NDC80: variants seen among roughly 807,000 people sequenced by gnomAD.
NDC80 encodes the protein NDC80 kinetochore complex component.
In NDC80, 69 loss-of-function variants were observed where a neutral mutation model predicts 89.3. The observed-to-expected ratio is 0.77, with a 90% CI of 0.64 to 0.94. The LOEUF (loss-of-function observed/expected upper bound fraction) is 0.94. Ranked by LOEUF, NDC80 falls within the 40% of genes least tolerant of loss-of-function variation. The pLI, the probability that NDC80 is intolerant of heterozygous loss-of-function variation, is 0.00. For synonymous variants in NDC80, 243 were observed against 255.6 expected (o/e 0.95, Z 0.47); for missense variants, 593 against 739.6 (o/e 0.80, Z 2.30).
At chr18:2,602,570 AC>A (rs1009320910) in intron 13 of NDC80, among the ~76,000 whole-genome samples, 5 of 152,152 alleles carry the variant, frequency 3.3e-5, no homozygotes, top group African/African-American at 1.2e-4. Flanking sequence ...GGGTACTAAA[AC>A]CTGGAGATTC....
At position 2,599,051 on chromosome 18, in the gene NDC80, G is replaced by A; in HGVS notation, c.1254G>A (p.Leu418=). The A allele has an allele frequency of 6.2e-7, 1 of 1,611,310 alleles. No individual in the cohort carries two copies. Among genetic ancestry groups the A allele is most frequent in the Non-Finnish European group, 8.5e-7 (1 of 1,178,766 alleles). The change falls in exon 12 of 17, where the codon TTG becomes TTA. Residue 418 remains leucine, a synonymous_variant. Coordinates refer to ENST00000261597, the MANE Select transcript of NDC80 (RefSeq NM_006101.3). ...CACAATTAGCAGAGTATCACAAATT[G>A]GCTAGAAAATTAAAACTTATTCCTA... ...IETQLAEYHK[L]ARKLKLIPKG...
At chr18:2,578,433 C>T (rs1298415010) in intron 5 of NDC80, among the ~76,000 whole-genome samples, 1 of 151,892 alleles carries the variant, frequency 6.6e-6, no homozygotes, top group Admixed American at 6.6e-5. Context: ...AAAAACTACT[C>T]GTAGATTATT....
chr18:2,574,894 G>C (rs2072538585), intron 2 of NDC80, 95 bp from the exon 3 acceptor site: 2 of 748,856 alleles, frequency 2.7e-6, no homozygotes, highest in African/African-American at 1.8e-5. Context: ...TTTATAGCTA[G>C]TGGGGAAGAG....
chr18:2,608,899 G>T (rs117855082), intron 15 of NDC80, 69 bp downstream of exon 15: 17,847 of 1,501,174 alleles, frequency 0.012, 132 homozygotes, highest in Non-Finnish European at 0.014. Context: ...CATAAAATTA[G>T]ATCTATTTTT....
chr18:2,595,440 A>G lies in NDC80; in HGVS notation c.1040A>G (p.Gln347Arg). Residue 347 changes from glutamine to arginine, a missense_variant, in exon 11 of 17, where the codon CAG becomes CGG. Gln to Arg is a conservative substitution (Grantham distance 43, BLOSUM62 1). Transcript: ENST00000261597. ...GAACTAGAATGTGAAACAATAAAAC[A>G]GGAGAACACTCGACTACAGAATATC... ...RVELECETIKQENTRLQNIID... is the reference protein window; with the variant it reads ...RVELECETIKRENTRLQNIID... 1.2e-6 allele frequency: 2 copies of G among 1,613,788 alleles called. No homozygotes were observed.
chr18:2,575,073 A>G lies in NDC80; in HGVS notation c.179+7A>G, dbSNP rs951378271. 9 of 1,589,490 alleles carry G rather than the reference A, an allele frequency of 5.7e-6. No individual in the cohort carries two copies. Among genetic ancestry groups the G allele is most frequent in the African/African-American group, 1.3e-5 (1 of 74,282 alleles). ...TCTCGCTATTTGGCAAAAGGTAATT[A>G]TATTTTTCATTAGCTCTAATAAAGG... On this transcript the variant is annotated splice_region_variant and intron_variant, in intron 3 of 16. Coordinates refer to ENST00000261597, the MANE Select transcript of NDC80 (RefSeq NM_006101.3).
intron 6 of NDC80, 138 bp from the exon 7 acceptor site, chr18:2,584,975 T>C (rs1033152982): frequency 1.6e-6 from 1 of 623,756 alleles, no homozygotes; most frequent in Non-Finnish European, 2.8e-6. Context: ...ATGTTCAATA[T>C]AATAACCTAT....
intron 11 of NDC80, 142 bp from the exon 12 acceptor site, chr18:2,598,877 C>A: frequency 2.7e-6 from 2 of 741,218 alleles, no homozygotes; most frequent in South Asian, 2.8e-5. Context: ...AAAACTGCTA[C>A]TCTTACTGCT....
chr18:2,601,372 C>T (rs748232062), intron 12 of NDC80, 24 bp from the exon 13 acceptor site: 3 of 1,179,166 alleles, frequency 2.5e-6, no homozygotes, highest in Non-Finnish European at 3.6e-6. Flanking sequence ...TTATATGTCA[C>T]CCACATTCCT....
At chr18:2,587,954 T>G in intron 8 of NDC80, 31 bp downstream of exon 8, 1 of 1,569,772 alleles carries the variant, frequency 6.4e-7, no homozygotes, top group South Asian at 1.1e-5. Context: ...GGTGCTTGCT[T>G]TTGGTCATTT....
At chr18:2,578,169 A>T (rs772450438) in intron 5 of NDC80, 28 bp downstream of exon 5, 1 of 1,574,516 alleles carries the variant, frequency 6.4e-7, no homozygotes, top group Non-Finnish European at 8.7e-7. Flanking sequence ...TAGTTTAGAG[A>T]CATGACTGGC....
At chr18:2,606,242 A>C (rs1029323550) in intron 13 of NDC80, among the ~76,000 whole-genome samples, 173 bp from the exon 14 acceptor site, 2 of 151,996 alleles carry the variant, frequency 1.3e-5, no homozygotes, top group African/African-American at 4.8e-5. Context: ...TTTGAAATTA[A>C]TTTCTCTTTG....
chr18:2,584,851 A>G (rs997354831), intron 6 of NDC80, among the ~76,000 whole-genome samples: 98 of 152,356 alleles, frequency 6.4e-4, no homozygotes, highest in African/African-American at 2.3e-3. Flanking sequence ...AGAAGTAAAT[A>G]TAGAGTCCAT....
intron 7 of NDC80, among the ~76,000 whole-genome samples, chr18:2,586,841 T>G (rs902526206): frequency 6.6e-6 from 1 of 152,218 alleles, no homozygotes; most frequent in Non-Finnish European, 1.5e-5. Flanking sequence ...GAGAAGCACA[T>G]GGGAAACTAT....
chr18:2,603,873 A>G (rs2072697098), intron 13 of NDC80, among the ~76,000 whole-genome samples: 1 of 152,208 alleles, frequency 6.6e-6, no homozygotes, highest in Non-Finnish European at 1.5e-5. Context: ...CAAATACTGA[A>G]GACTGGATGA....
intron 13 of NDC80, among the ~76,000 whole-genome samples, chr18:2,604,766 C>A (rs1048159597): frequency 1.3e-5 from 2 of 152,088 alleles, no homozygotes. Flanking sequence ...GAGACAAGAA[C>A]CTAATTATGA....
At chr18:2,587,733 TA>T (rs2072609124) in intron 7 of NDC80, 96 bp from the exon 8 acceptor site, 2 of 954,468 alleles carry the variant, frequency 2.1e-6, no homozygotes, top group Non-Finnish European at 3.3e-6. Flanking sequence ...TATTTCTGAC[TA>T]TTTTTTAAAT....
At chr18:2,595,356 G>A in intron 10 of NDC80, 60 bp from the exon 11 acceptor site, 5 of 1,187,180 alleles carry the variant, frequency 4.2e-6, no homozygotes, top group Non-Finnish European at 6.1e-6. Context: ...TTACATGATG[G>A]CATCTGTTTC....
At position 2,610,856 on chromosome 18, in the gene NDC80, G is replaced by A. The variant is rs2072740090; in HGVS notation, c.1786G>A (p.Val596Ile). ...GATGGTTGCTACACATGTTGGGTCT[G>A]TAGAGGTAAGTATGTGATGGTCTTT... ...LEMVATHVGS[V>I]EKHLEEQIAK... Residue 596 changes from valine to isoleucine, a missense_variant, in exon 16 of 17, where the codon GTA (valine) becomes ATA (isoleucine). Coordinates refer to ENST00000261597, the MANE Select transcript of NDC80 (RefSeq NM_006101.3). 1.3e-6 allele frequency: 2 copies of A among 1,526,970 alleles called. No individual in the cohort carries two copies. The highest frequency in any genetic ancestry group is 1.8e-6 in the Non-Finnish European group (2 of 1,122,856). The allele number at this position is 1,526,970 out of a possible 1,614,324, so 94.6% of individuals were successfully genotyped here.
Sources: gnomAD v4.1 joint callset for allele counts (sites outside exome capture counted in the v4.1 genomes callset) on GRCh38, gnomAD v4.1.1 for gene constraint, MANE v1.5 for transcripts, NCBI Gene and HGNC (gene_info 2026-07-23, HGNC 2026-07-21) for gene names.